Variants in SLC29A4 observed in about 807,000 individuals in gnomAD.
The protein encoded by SLC29A4 is equilibrative nucleoside transporter 4.
A neutral mutation model predicts 43.9 loss-of-function variants in SLC29A4; 36 were observed. The ratio of observed to expected loss-of-function variants is 0.82; its 90% CI spans 0.63 to 1.08. The LOEUF is 1.08. SLC29A4 is among the 50% of genes least tolerant of loss of function. The pLI is 0.00. For missense variants in SLC29A4, 869 were observed against 755.3 expected, an observed-to-expected ratio of 1.15 and a Z score of -1.77; for synonymous variants, 491 against 338.0, an observed-to-expected ratio of 1.45 and a Z score of -4.97.
At chr7:5,300,006 C>T (rs1203042420) in intron 9 of SLC29A4, among the ~76,000 whole-genome samples, 4 of 152,132 alleles carry the variant, frequency 2.6e-5, no homozygotes, top group Admixed American at 2.0e-4. Context: ...GAGCCGAGAT[C>T]GTGCCACTGC....
intron 9 of SLC29A4, 139 bp from the exon 10 acceptor site, chr7:5,300,283 G>A (rs553445101): frequency 1.7e-4 from 225 of 1,310,760 alleles, no homozygotes; most frequent in African/African-American, 1.4e-3. Flanking sequence ...GGGGTGATCC[G>A]GAGAAGGGCA....
At chr7:5,297,596 G>T (rs1785800983) in intron 7 of SLC29A4, among the ~76,000 whole-genome samples, 1 of 152,234 alleles carries the variant, frequency 6.6e-6, no homozygotes, top group Admixed American at 6.5e-5. Flanking sequence ...ACGTTGGAGA[G>T]TCCTCCTGCA....
chr7:5,302,496 T>C (rs1454366049), intron 10 of SLC29A4, among the ~76,000 whole-genome samples: 3 of 152,124 alleles, frequency 2.0e-5, no homozygotes, highest in Non-Finnish European at 4.4e-5. Flanking sequence ...GAAGCTATGG[T>C]TGTACCACTG....
intron 6 of SLC29A4, among the ~76,000 whole-genome samples, chr7:5,295,387 G>C (rs112298350): frequency 6.6e-6 from 1 of 152,144 alleles, no homozygotes; most frequent in Non-Finnish European, 1.5e-5. Context: ...GGTGTCTCAC[G>C]GGCTTCTCAA....
At chr7:5,301,045 G>A (rs1348145952) in intron 10 of SLC29A4, among the ~76,000 whole-genome samples, 3 of 152,140 alleles carry the variant, frequency 2.0e-5, no homozygotes, top group African/African-American at 7.2e-5. Context: ...GATCACTTGA[G>A]CCCAGGAGTT....
At chr7:5,297,242 C>T in intron 7 of SLC29A4, 44 bp downstream of exon 7, 1 of 1,436,692 alleles carries the variant, frequency 7.0e-7, no homozygotes, top group Non-Finnish European at 9.1e-7. Context: ...CTGTCCCCTT[C>T]TCTGTCCCCA....
intron 1 of SLC29A4, among the ~76,000 whole-genome samples, chr7:5,283,724 G>T (rs1265472459): frequency 6.6e-6 from 1 of 152,194 alleles, no homozygotes; most frequent in Non-Finnish European, 1.5e-5. Context: ...CCGCTGGGCT[G>T]CGGAAAGGGC....
chr7:5,299,446 C>G lies in SLC29A4; in HGVS notation c.1209+19C>G, dbSNP rs749908194. The G allele has an allele frequency of 6.2e-7, 1 of 1,603,950 alleles. No individual in the cohort carries two copies. Among genetic ancestry groups the G allele is most frequent in the Non-Finnish European group, 8.5e-7 (1 of 1,175,016 alleles). On this transcript the variant is annotated intron_variant, in intron 9 of 10. Transcript: ENST00000396872. The stretch of plus-strand genomic sequence containing the variant: ...GGGCAAGGTGGGCTGCCTGCCCTGC[C>G]CGGTGTCGGGGGACGCCATGGGGTG...
intron 6 of SLC29A4, 95 bp downstream of exon 6, chr7:5,295,029 G>C (rs1346949246): frequency 2.7e-6 from 3 of 1,115,588 alleles, no homozygotes; most frequent in East Asian, 2.5e-5. Flanking sequence ...TCCCCGGTCT[G>C]GGAGGGAGGC....
In SLC29A4 at chr7:5,303,253, C is replaced by G. The variant is rs1291951315; in HGVS notation, c.*314C>G. The G allele has an allele frequency of 8.9e-6, 4 of 450,684 alleles. No homozygotes were observed. Among genetic ancestry groups the G allele is most frequent in the Non-Finnish European group, 1.6e-5 (4 of 247,276 alleles). The allele number at this position is 450,684 out of a possible 1,614,324, so 27.9% of individuals were successfully genotyped here. ...CAGCCCAGCCAGCACTCTGCAGGGT[C>G]ACACGCACCGTGTCCCCACCCAGGA... On this transcript the variant is annotated 3_prime_UTR_variant, in exon 11 of 11. Transcript: ENST00000396872.
intron 7 of SLC29A4, among the ~76,000 whole-genome samples, chr7:5,298,107 G>A (rs113100324): frequency 3.9e-5 from 6 of 152,284 alleles, no homozygotes; most frequent in East Asian, 1.9e-4. Flanking sequence ...CCTGAGGGTC[G>A]GGAACCAGAA....
At chr7:5,299,567 G>A (rs1317392567) in intron 9 of SLC29A4, 140 bp downstream of exon 9, 12 of 982,422 alleles carry the variant, frequency 1.2e-5, no homozygotes, top group Admixed American at 5.2e-5. Flanking sequence ...GTGCAGTGGC[G>A]CCATCCTGGA....
Position 5,299,318 on chromosome 7 carries a change from C to T in SLC29A4, c.1100C>T (p.Thr367Met), listed in dbSNP as rs1173169020. ...MLSIAVTYFITLCLFPGLESE... is the reference protein window; with the variant it reads ...MLSIAVTYFIMLCLFPGLESE... Reference sequence around the variant, plus strand: ...TCCATCGCCGTGACCTACTTCATCACGCTGTGCCTGTTCCCCGGCCTCGAG... The same window carrying T: ...TCCATCGCCGTGACCTACTTCATCATGCTGTGCCTGTTCCCCGGCCTCGAG... Residue 367 changes from threonine to methionine, a missense_variant, in exon 9 of 11, where the codon ACG becomes ATG. Thr to Met is a moderately conservative substitution (Grantham distance 81). Coordinates refer to ENST00000396872, the MANE Select transcript of SLC29A4 (RefSeq NM_153247.4). The T allele has an allele frequency of 1.9e-6, 3 of 1,612,052 alleles. No homozygotes were observed. The highest frequency in any genetic ancestry group is 1.1e-5 in the South Asian group (1 of 91,018).
chr7:5,294,239 C>T lies in SLC29A4; in HGVS notation c.545-621C>T, dbSNP rs113640340. On this transcript the variant is annotated intron_variant, in intron 5 of 10. Coordinates refer to ENST00000396872, the MANE Select transcript of SLC29A4 (RefSeq NM_153247.4). ...TACAGGTGTGAGCCACCATGCCCAG[C>T]CTTGACCAGAAGATTTTAGTTAGAC... is the stretch of plus-strand genomic sequence containing the variant. 8.1e-3 allele frequency among the ~76,000 whole-genome samples: 1,226 copies of T among 152,290 alleles called. 14 individuals carry two copies. Among genetic ancestry groups the T allele is most frequent in the African/African-American group, 0.028 (1,152 of 41,564 alleles).
At chr7:5,289,359 T>G (rs1785164803) in intron 2 of SLC29A4, among the ~76,000 whole-genome samples, 2 of 151,874 alleles carry the variant, frequency 1.3e-5, no homozygotes, top group African/African-American at 4.8e-5. Flanking sequence ...GTCATGCCAC[T>G]GCACTCCAGC....
Position 5,291,155 on chromosome 7 carries a change from C to G in SLC29A4, c.333C>G (p.Thr111=), listed in dbSNP as rs754877063. The G allele has an allele frequency of 6.2e-7, 1 of 1,613,954 alleles. No homozygotes were observed. Among genetic ancestry groups the G allele is most frequent in the East Asian group, 2.2e-5 (1 of 44,880 alleles). ...GTSIVFDMSL[T]YILVALAAVL... is the part of the protein sequence containing the mutation. The stretch of plus-strand genomic sequence containing the variant: ...CCATCGTGTTTGACATGAGCCTCAC[C>G]TACATCTTGGTGGCACTGGCAGCTG... Residue 111 remains threonine, a synonymous_variant, in exon 4 of 11, where the codon ACC becomes ACG. Transcript: ENST00000396872.
At chr7:5,291,591 G>C in intron 4 of SLC29A4, 102 bp from the exon 5 acceptor site, 1 of 1,446,782 alleles carries the variant, frequency 6.9e-7, no homozygotes, top group Non-Finnish European at 9.3e-7. Flanking sequence ...TAAAGGGGAA[G>C]GGCAGAGAAA....
chr7:5,298,960 AC>A (rs1785921852), intron 7 of SLC29A4, 27 bp from the exon 8 acceptor site: 1 of 1,599,558 alleles, frequency 6.3e-7, no homozygotes, highest in South Asian at 1.1e-5. Context: ...TTCCACTCCA[AC>A]CCCATCCCAC....
chr7:5,296,317 C>T (rs897103734), intron 6 of SLC29A4, among the ~76,000 whole-genome samples: 1 of 151,404 alleles, frequency 6.6e-6, no homozygotes, highest in African/African-American at 2.4e-5. Context: ...GTCATCGTGG[C>T]CCTACTGCGT....
Sources: gnomAD v4.1 joint callset for allele counts (sites outside exome capture counted in the v4.1 genomes callset) on GRCh38, gnomAD v4.1.1 for gene constraint, MANE v1.5 for transcripts, NCBI Gene and HGNC (gene_info 2026-07-23, HGNC 2026-07-21) for gene names.